MARCHF1: variants seen among roughly 807,000 people sequenced by gnomAD.
MARCHF1 encodes the protein E3 ubiquitin-protein ligase MARCHF1.
In MARCHF1, 40 loss-of-function variants were observed where a neutral mutation model predicts 54.2. The ratio of observed to expected loss-of-function variants is 0.74; its 90% CI spans 0.57 to 0.96. MARCHF1 has a LOEUF of 0.96. MARCHF1 is among the 40% of genes least tolerant of loss of function. The probability of loss-of-function intolerance (pLI) is 0.00; values close to 1 mark genes in which losing one functional copy is unlikely to be tolerated. For synonymous variants in MARCHF1, 236 were observed against 236.3 expected, an observed-to-expected ratio of 1.00 and a Z score of 0.01; for missense variants, 586 against 656.5, an observed-to-expected ratio of 0.89 and a Z score of 1.17.
chr4:163,883,121 G>T (rs943421753), intron 3 of MARCHF1, among the ~76,000 whole-genome samples: 5 of 152,114 alleles, frequency 3.3e-5, no homozygotes, highest in African/African-American at 1.2e-4. Context: ...ATGCACGGGA[G>T]TTGCTCCCTT....
At chr4:164,383,388 C>G (rs966107138) in intron 1 of MARCHF1, 24 of 152,380 alleles carry the variant, frequency 1.6e-4, no homozygotes, top group African/African-American at 5.3e-4. Flanking sequence ...CCGTACTCAG[C>G]GCTCTCCTTT....
intron 3 of MARCHF1, among the ~76,000 whole-genome samples, chr4:163,943,153 T>C (rs1751950306): frequency 6.6e-6 from 1 of 152,222 alleles, no homozygotes; most frequent in African/African-American, 2.4e-5. Context: ...ATATGTTTAC[T>C]CTGTTGATAA....
intron 2 of MARCHF1, among the ~76,000 whole-genome samples, chr4:164,099,575 A>G (rs187810049): frequency 2.6e-5 from 4 of 152,348 alleles, no homozygotes; most frequent in Admixed American, 1.3e-4. Context: ...TTAGAAAGCA[A>G]TGAAGCATAA....
intron 3 of MARCHF1, among the ~76,000 whole-genome samples, chr4:163,880,737 A>T (rs1750396593): frequency 6.6e-6 from 1 of 152,206 alleles, no homozygotes. Flanking sequence ...ATAAATTTTT[A>T]TCAATTTATA....
chr4:164,211,354 TACCACATTGCAACCTGC>T (rs1731768142), intron 1 of MARCHF1, among the ~76,000 whole-genome samples: 3 of 115,178 alleles, frequency 2.6e-5, no homozygotes, highest in South Asian at 2.9e-4. Flanking sequence ...TATATATATA[TACCACATTGCAACCTGC>T]ATATTTGTAT....
At chr4:164,121,724 C>T (rs1397181216) in intron 1 of MARCHF1, among the ~76,000 whole-genome samples, 2 of 152,012 alleles carry the variant, frequency 1.3e-5, no homozygotes, top group South Asian at 2.1e-4. Context: ...GAAAGAAAAG[C>T]GCAGGATCTG....
At chr4:164,359,468 T>C (rs750181280) in intron 1 of MARCHF1, among the ~76,000 whole-genome samples, 16 of 152,190 alleles carry the variant, frequency 1.1e-4, no homozygotes, top group Admixed American at 5.2e-4. Context: ...TCCTATGGTA[T>C]GATGCTTAGT....
intron 2 of MARCHF1, among the ~76,000 whole-genome samples, chr4:164,010,220 C>G (rs1753389385): frequency 6.6e-6 from 1 of 151,610 alleles, no homozygotes; most frequent in East Asian, 1.9e-4. Context: ...GAGCATGCCA[C>G]CACGCTCAGC....
chr4:163,599,078 C>T (rs901316447), intron 7 of MARCHF1, among the ~76,000 whole-genome samples: 49 of 152,022 alleles, frequency 3.2e-4, no homozygotes, highest in Non-Finnish European at 5.6e-4. Context: ...CGCCTAAGGT[C>T]AGGAGTTCAA....
At chr4:164,025,836 T>C (rs1482892305) in intron 2 of MARCHF1, among the ~76,000 whole-genome samples, 1 of 151,760 alleles carries the variant, frequency 6.6e-6, no homozygotes, top group Non-Finnish European at 1.5e-5. Flanking sequence ...ACTAGCTAGA[T>C]TAACAAAGAA....
At chr4:163,769,787 C>G (rs1046060662) in intron 4 of MARCHF1, among the ~76,000 whole-genome samples, 1 of 152,040 alleles carries the variant, frequency 6.6e-6, no homozygotes, top group Non-Finnish European at 1.5e-5. Flanking sequence ...ATGGCATATA[C>G]AATACAAACT....
intron 2 of MARCHF1, among the ~76,000 whole-genome samples, chr4:164,085,189 A>G (rs1755170287): frequency 1.3e-5 from 2 of 151,870 alleles, no homozygotes; most frequent in African/African-American, 4.8e-5. Flanking sequence ...TAGTGGATCT[A>G]TTATTTGAAT....
chr4:163,622,579 G>A (rs1741727502), intron 5 of MARCHF1, among the ~76,000 whole-genome samples: 1 of 151,846 alleles, frequency 6.6e-6, no homozygotes, highest in Non-Finnish European at 1.5e-5. Flanking sequence ...ACCCACTGAG[G>A]GTCATCTAAG....
chr4:163,912,738 C>T (rs1751221806), intron 3 of MARCHF1, among the ~76,000 whole-genome samples: 1 of 152,146 alleles, frequency 6.6e-6, no homozygotes, highest in Non-Finnish European at 1.5e-5. Flanking sequence ...ACCGTGGCTG[C>T]ATAAGAGTGG....
chr4:163,975,318 T>C (rs1752631022), intron 3 of MARCHF1, among the ~76,000 whole-genome samples: 1 of 151,984 alleles, frequency 6.6e-6, no homozygotes, highest in Non-Finnish European at 1.5e-5. Flanking sequence ...AGAGTGAGCA[T>C]TGTTAATAGG....
intron 7 of MARCHF1, among the ~76,000 whole-genome samples, chr4:163,600,167 CA>C (rs1740915337): frequency 1.3e-5 from 2 of 152,012 alleles, no homozygotes; most frequent in South Asian, 2.1e-4. Context: ...TATATACACA[CA>C]TATATAAATT....
chr4:163,837,361 G>T (rs1325048142), intron 4 of MARCHF1, among the ~76,000 whole-genome samples: 2 of 152,098 alleles, frequency 1.3e-5, no homozygotes, highest in African/African-American at 4.8e-5. Flanking sequence ...AATATTAAAA[G>T]TCATTATATA....
At chr4:164,378,297 G>A (rs1203200474) in intron 1 of MARCHF1, among the ~76,000 whole-genome samples, 1 of 152,216 alleles carries the variant, frequency 6.6e-6, no homozygotes, top group South Asian at 2.1e-4. Flanking sequence ...TGAGGGACTG[G>A]AGAGACAAAA....
intron 5 of MARCHF1, among the ~76,000 whole-genome samples, chr4:163,642,938 T>G (rs1244687291): frequency 6.6e-6 from 1 of 151,954 alleles, no homozygotes; most frequent in Non-Finnish European, 1.5e-5. Flanking sequence ...AATATGGTAT[T>G]ATCTCCATAC....
Sources: gnomAD v4.1 joint callset for allele counts (sites outside exome capture counted in the v4.1 genomes callset) on GRCh38, gnomAD v4.1.1 for gene constraint, MANE v1.5 for transcripts, NCBI Gene and HGNC (gene_info 2026-07-23, HGNC 2026-07-21) for gene names.